SLC33A2: variants seen among roughly 807,000 people sequenced by gnomAD.
SLC33A2 encodes solute carrier family 33 member 2, also known as major facilitator superfamily domain containing 3.
chr8:144,510,075 G>C, the SLC33A2 span: 1 of 1,531,716 alleles, frequency 6.5e-7, no homozygotes, highest in Non-Finnish European at 8.8e-7. Flanking sequence ...CTCCAGGTGT[G>C]TCCCCAGGGG....
At chr8:144,510,564 C>T in the SLC33A2 span, 3 of 1,607,882 alleles carry the variant, frequency 1.9e-6, no homozygotes, top group Non-Finnish European at 2.5e-6. Flanking sequence ...GCCCCCAATC[C>T]ACTATACTGA....
chr8:144,510,570 A>G, the SLC33A2 span: 1 of 1,598,778 alleles, frequency 6.3e-7, no homozygotes, highest in South Asian at 1.1e-5. Context: ...AATCCACTAT[A>G]CTGACCCATT....
At chr8:144,511,157 TTC>T in the SLC33A2 span, 2 of 1,609,534 alleles carry the variant, frequency 1.2e-6, no homozygotes, top group Admixed American at 1.7e-5. Context: ...CCCAGCACCT[TTC>T]TCTGAGCTGA....
the SLC33A2 span, chr8:144,510,020 G>C: frequency 5.0e-6 from 8 of 1,591,092 alleles, no homozygotes; most frequent in Non-Finnish European, 6.8e-6. Flanking sequence ...AGCTGGGTGA[G>C]TGAGGCCTCG....
the SLC33A2 span, chr8:144,511,065 G>T: frequency 4.4e-6 from 7 of 1,607,676 alleles, no homozygotes; most frequent in Non-Finnish European, 5.9e-6. Flanking sequence ...CCGGAGGCCT[G>T]GCTGATGGGT....
the SLC33A2 span, chr8:144,509,571 G>C: frequency 3.9e-6 from 6 of 1,526,968 alleles, no homozygotes; most frequent in Non-Finnish European, 5.2e-6. Context: ...CCTGGGCCTG[G>C]TGTGTGGGCT....
chr8:144,509,285 A>T, the SLC33A2 span: 1 of 1,417,892 alleles, frequency 7.1e-7, no homozygotes, highest in African/African-American at 1.5e-5. Context: ...GCCTTGCGGG[A>T]CCCCACCTGG....
At chr8:144,510,235 T>TC in the SLC33A2 span, 1 of 1,456,132 alleles carries the variant, frequency 6.9e-7, no homozygotes, top group Non-Finnish European at 9.2e-7. Context: ...GCCCCACTTC[T>TC]CCCCCAGTAT....
chr8:144,509,362 G>A, the SLC33A2 span: 1 of 1,489,130 alleles, frequency 6.7e-7, no homozygotes. Context: ...CCGCTGGCCG[G>A]CCTCTACCTG....
chr8:144,511,141 C>T, the SLC33A2 span: 11 of 1,610,510 alleles, frequency 6.8e-6, no homozygotes, highest in Non-Finnish European at 8.5e-6. Flanking sequence ...GTACCTGGAC[C>T]TAGCACCCAG....
At chr8:144,510,876 C>A in the SLC33A2 span, 1 of 1,608,240 alleles carries the variant, frequency 6.2e-7, no homozygotes, top group Non-Finnish European at 8.5e-7. Context: ...TGATGCGCTG[C>A]AGCCAGCTGG....
the SLC33A2 span, chr8:144,509,217 G>A: frequency 6.1e-5 from 67 of 1,092,406 alleles, no homozygotes; most frequent in Non-Finnish European, 8.4e-5. Context: ...ACTCTGCCCG[G>A]TCCCAGAACC....
chr8:144,509,413 C>A, the SLC33A2 span: 1 of 1,529,044 alleles, frequency 6.5e-7, no homozygotes, highest in Admixed American at 2.0e-5. Flanking sequence ...GGCCTCCTGC[C>A]AGTGCTGCTG....
At chr8:144,509,524 G>A in the SLC33A2 span, 1 of 1,527,402 alleles carries the variant, frequency 6.5e-7, no homozygotes. Flanking sequence ...GACGCGCAGG[G>A]CTCGGCGAGG....
the SLC33A2 span, chr8:144,510,988 C>G: frequency 6.2e-7 from 1 of 1,600,310 alleles, no homozygotes; most frequent in South Asian, 1.1e-5. Context: ...CCACCCCCCT[C>G]AGGCCACACA....
the SLC33A2 span, chr8:144,509,875 C>T: frequency 5.2e-6 from 8 of 1,543,466 alleles, no homozygotes; most frequent in Middle Eastern, 5.0e-4. Flanking sequence ...GCGGCCCTGG[C>T]CTGGGCTGCA....
At chr8:144,509,137 G>A in the SLC33A2 span, 4 of 512,214 alleles carry the variant, frequency 7.8e-6, no homozygotes, top group African/African-American at 4.0e-5. Flanking sequence ...ACCCGACTTC[G>A]GTTCTTCTGG....
the SLC33A2 span, chr8:144,509,174 G>A: frequency 1.5e-6 from 1 of 670,114 alleles, no homozygotes; most frequent in Non-Finnish European, 2.3e-6. Flanking sequence ...AAGCCCGAGA[G>A]CACGTGTCCA....
the SLC33A2 span, chr8:144,510,709 C>T: frequency 6.3e-7 from 1 of 1,579,108 alleles, no homozygotes; most frequent in East Asian, 2.3e-5. Context: ...TGGACGCTGG[C>T]ACAATCTTGA....
Sources: allele counts gnomAD v4.1 joint callset, GRCh38; gene constraint gnomAD v4.1.1; transcripts MANE v1.5; gene names NCBI Gene and HGNC (gene_info 2026-07-23, HGNC 2026-07-21).